The following PIK3CD variants were observed in gnomAD, a reference collection of about 807,000 sequenced individuals.
PIK3CD encodes phosphatidylinositol 4,5-bisphosphate 3-kinase catalytic subunit delta isoform.
A neutral mutation model predicts 122.9 loss-of-function variants in PIK3CD; 20 were observed. The observed-to-expected ratio is 0.16, with a 90% CI of 0.11 to 0.24. The LOEUF is 0.24. Ranked by LOEUF, PIK3CD falls within the 10% of genes least tolerant of loss-of-function variation. The pLI is 1.00. For synonymous variants in PIK3CD, 596 were observed against 593.4 expected, an observed-to-expected ratio of 1.00 and a Z score of -0.06; for missense variants, 787 against 1,406.3, an observed-to-expected ratio of 0.56 and a Z score of 7.04.
rs1646747981 is a variant in PIK3CD at position 9,704,169 on chromosome 1, C to T, written c.-32-6255C>T. On this transcript the variant is annotated intron_variant, in intron 2 of 23. Transcript: ENST00000377346. This position sits in a 1 kb window ranked among gnomAD's most constrained non-coding sequence, Gnocchi z 5.0. ...CTGTCTCACTGGTGACAGGACCTGGCATTTGATGTCCTGTGCAGACCAGTC... is the reference window on the plus strand; with the variant it reads ...CTGTCTCACTGGTGACAGGACCTGGTATTTGATGTCCTGTGCAGACCAGTC... Among the ~76,000 whole-genome samples the T allele has an allele frequency of 6.6e-6, 1 of 152,162 alleles. No individual in the cohort carries two copies. Among genetic ancestry groups the T allele is most frequent in the Non-Finnish European group, 1.5e-5 (1 of 68,028 alleles).
At chr1:9,675,385 CA>C (rs34447888) in intron 1 of PIK3CD, among the ~76,000 whole-genome samples, 12,013 of 59,712 alleles carry the variant, frequency 0.2, 485 homozygotes, top group African/African-American at 0.33. Context: ...GACTCCGTCT[CA>C]AAAAAAAAAA....
Position 9,724,186 on chromosome 1 carries a change from G to T in PIK3CD, c.2719-90G>T, listed in dbSNP as rs993722334. 5.0e-6 allele frequency: 8 copies of T among 1,612,868 alleles called. No individual in the cohort carries two copies. The highest frequency in any genetic ancestry group is 1.1e-5 in the South Asian group (1 of 91,068). ...CCTAGCACACAGCTCTGTGGCAGGG[G>T]TCCCCCAGCCCTGCTGGCTTCCTGT... On this transcript the variant is annotated intron_variant, in intron 21 of 23. Coordinates refer to ENST00000377346, the MANE Select transcript of PIK3CD (RefSeq NM_005026.5). The surrounding 1 kb of genome is among the most constrained non-coding windows in gnomAD (Gnocchi z 7.3).
chr1:9,712,940 G>A (rs1312987890), intron 3 of PIK3CD, among the ~76,000 whole-genome samples: 3 of 152,146 alleles, frequency 2.0e-5, no homozygotes, highest in Non-Finnish European at 1.5e-5. Context: ...TCAGCACTTT[G>A]GGAGGCGGAA....
intron 2 of PIK3CD, among the ~76,000 whole-genome samples, chr1:9,703,175 A>G (rs1216622399): frequency 1.3e-5 from 2 of 152,228 alleles, no homozygotes; most frequent in Non-Finnish European, 2.9e-5. Flanking sequence ...GAAGTCCCAG[A>G]GAAGCCTAGA....
At position 9,727,953 on chromosome 1, in the gene PIK3CD, C is replaced by T. The variant is rs1321404868; in HGVS notation, c.*907C>T. On this transcript the variant is annotated 3_prime_UTR_variant, in exon 24 of 24. Transcript: ENST00000377346. ...CTGAGTAGCTGGGATTACAGGTGTG[C>T]ACCACCGTACCCAGCTAATTTTTGT... 3 of 165,208 alleles carry T rather than the reference C, an allele frequency of 1.8e-5. No homozygotes were observed. Among genetic ancestry groups the T allele is most frequent in the Non-Finnish European group, 2.6e-5 (2 of 75,492 alleles). 10.2% of individuals were successfully genotyped at this position (165,208 alleles called of 1,614,324 possible). A position where few individuals can be genotyped will look rare whatever the true frequency, so the allele number is the denominator to read the frequency against.
At chr1:9,629,662 G>T in the PIK3CD span, among the ~76,000 whole-genome samples, 1 of 152,076 alleles carries the variant, frequency 6.6e-6, no homozygotes, top group Non-Finnish European at 1.5e-5. Flanking sequence ...GAGCTGCTGG[G>T]AGAAGGTGAG....
chr1:9,637,010 G>C, the PIK3CD span, among the ~76,000 whole-genome samples: 1 of 151,648 alleles, frequency 6.6e-6, no homozygotes. Flanking sequence ...CCATTCTCCT[G>C]CCTCAGCCTC....
intron 1 of PIK3CD, among the ~76,000 whole-genome samples, chr1:9,663,215 G>A (rs1268748856): frequency 6.6e-6 from 1 of 152,194 alleles, no homozygotes; most frequent in African/African-American, 2.4e-5. Context: ...TCAAGACCCA[G>A]TCGTAGTCCC....
intron 1 of PIK3CD, among the ~76,000 whole-genome samples, chr1:9,684,642 C>T (rs1645896319): frequency 6.6e-6 from 1 of 151,000 alleles, no homozygotes; most frequent in Non-Finnish European, 1.5e-5. Context: ...ATCCCTTGAG[C>T]CTAGGAGTTT....
intron 2 of PIK3CD, among the ~76,000 whole-genome samples, chr1:9,705,866 T>C (rs1646811741): frequency 6.6e-6 from 1 of 152,124 alleles, no homozygotes; most frequent in South Asian, 2.1e-4. Flanking sequence ...AGTTCTGAGA[T>C]TGCTGACGGG....
chr1:9,667,218 C>G (rs1645186908), intron 1 of PIK3CD, among the ~76,000 whole-genome samples: 1 of 152,080 alleles, frequency 6.6e-6, no homozygotes, highest in Non-Finnish European at 1.5e-5. Flanking sequence ...GTAATCCCAG[C>G]TACTTGGGAG....
chr1:9,629,157 C>T, the PIK3CD span, among the ~76,000 whole-genome samples: 8 of 152,096 alleles, frequency 5.3e-5, no homozygotes, highest in East Asian at 3.9e-4. Flanking sequence ...GTTGCGGCCC[C>T]GGGAGGAAAG....
intron 2 of PIK3CD, among the ~76,000 whole-genome samples, chr1:9,696,335 C>T (rs950548054): frequency 6.6e-6 from 1 of 152,042 alleles, no homozygotes; most frequent in African/African-American, 2.4e-5. Flanking sequence ...TGCCTGTAAT[C>T]CCAACACTTT....
chr1:9,644,135 AGC>A, the PIK3CD span, among the ~76,000 whole-genome samples: 1 of 152,234 alleles, frequency 6.6e-6, no homozygotes, highest in East Asian at 1.9e-4. Flanking sequence ...AAATGTTTGC[AGC>A]ATTTGTGAGA....
intron 2 of PIK3CD, among the ~76,000 whole-genome samples, chr1:9,692,352 T>C (rs1017961930): frequency 6.6e-6 from 1 of 152,170 alleles, no homozygotes; most frequent in Non-Finnish European, 1.5e-5. Flanking sequence ...AAAGGCTTTT[T>C]CCCCAACCTC....
chr1:9,641,727 A>C, the PIK3CD span, among the ~76,000 whole-genome samples: 2 of 152,072 alleles, frequency 1.3e-5, no homozygotes, highest in Admixed American at 6.6e-5. Flanking sequence ...TCTCCAGCCC[A>C]TCGGTCACAA....
upstream of PIK3CD, among the ~76,000 whole-genome samples, chr1:9,647,555 T>C (rs1365531931): frequency 6.6e-6 from 1 of 150,686 alleles, no homozygotes; most frequent in African/African-American, 2.4e-5. Context: ...CCAGGCTGGA[T>C]TGCAGAGGTG....
chr1:9,712,619 G>GA (rs1647101881), intron 3 of PIK3CD, among the ~76,000 whole-genome samples: 1 of 152,142 alleles, frequency 6.6e-6, no homozygotes, highest in Non-Finnish European at 1.5e-5. Flanking sequence ...TGGGAGCAGG[G>GA]AAAAAATACG....
chr1:9,682,069 A>T (rs1416453604), intron 1 of PIK3CD, among the ~76,000 whole-genome samples: 2 of 151,998 alleles, frequency 1.3e-5, no homozygotes, highest in Non-Finnish European at 2.9e-5. Flanking sequence ...AGTAGCTGGG[A>T]CTACCACCAC....
Sources: gnomAD v4.1 joint callset for allele counts (sites outside exome capture counted in the v4.1 genomes callset) on GRCh38, gnomAD v4.1.1 for gene constraint, Gnocchi (gnomAD v3.1) non-coding constraint, MANE v1.5 for transcripts, NCBI Gene and HGNC (gene_info 2026-07-23, HGNC 2026-07-21) for gene names.